GSK3B: variants seen among roughly 807,000 people sequenced by gnomAD.
GSK3B encodes the protein glycogen synthase kinase 3 beta.
A neutral mutation model predicts 56.4 loss-of-function variants in GSK3B; 15 were observed. That is an observed-to-expected ratio of 0.27 (90% CI 0.18 to 0.41). The LOEUF is 0.41. Ranked by LOEUF, GSK3B falls within the 10% of genes least tolerant of loss-of-function variation. The pLI is 1.00. For synonymous variants in GSK3B, 181 were observed against 188.9 expected, an observed-to-expected ratio of 0.96 and a Z score of 0.34; for missense variants, 300 against 513.4, an observed-to-expected ratio of 0.58 and a Z score of 4.02.
chr3:119,968,716 T>C (rs559336185), intron 2 of GSK3B, among the ~76,000 whole-genome samples: 2 of 151,764 alleles, frequency 1.3e-5, no homozygotes, highest in African/African-American at 4.8e-5. Flanking sequence ...CAAAAAAAAA[T>C]AAGGGATGTG....
intron 8 of GSK3B, among the ~76,000 whole-genome samples, chr3:119,869,606 G>A (rs1396908395): frequency 6.6e-6 from 1 of 152,152 alleles, no homozygotes; most frequent in Non-Finnish European, 1.5e-5. Context: ...GCCTTATCGA[G>A]TTTTCCCAAG....
chr3:119,879,753 G>A (rs896622890), intron 7 of GSK3B, among the ~76,000 whole-genome samples: 2 of 152,078 alleles, frequency 1.3e-5, no homozygotes, highest in African/African-American at 4.8e-5. Context: ...AAGTTTGTCT[G>A]TGTCTGGCTT....
chr3:119,834,475 G>C (rs1434286642), intron 10 of GSK3B, among the ~76,000 whole-genome samples: 1 of 152,110 alleles, frequency 6.6e-6, no homozygotes, highest in Non-Finnish European at 1.5e-5. Context: ...CATCCACCAG[G>C]ATACCTGGAA....
intron 6 of GSK3B, among the ~76,000 whole-genome samples, chr3:119,910,028 A>G (rs2056720149): frequency 6.6e-6 from 1 of 152,234 alleles, no homozygotes; most frequent in African/African-American, 2.4e-5. Flanking sequence ...AAATGTTAGC[A>G]ATATGGCCAT....
At chr3:119,965,014 T>A (rs548055778) in intron 2 of GSK3B, among the ~76,000 whole-genome samples, 1 of 150,840 alleles carries the variant, frequency 6.6e-6, no homozygotes, top group Admixed American at 6.6e-5. Flanking sequence ...AATTGAATTA[T>A]AGGTTTTTGT....
chr3:119,950,332 G>T (rs1296707888), intron 2 of GSK3B, among the ~76,000 whole-genome samples: 1 of 152,110 alleles, frequency 6.6e-6, no homozygotes, highest in Non-Finnish European at 1.5e-5. Context: ...TTATGAAGGA[G>T]GTTAAGATAT....
intron 7 of GSK3B, among the ~76,000 whole-genome samples, chr3:119,878,312 T>A (rs563061160): frequency 6.6e-6 from 1 of 152,138 alleles, no homozygotes; most frequent in Non-Finnish European, 1.5e-5. Context: ...AAAAGATATG[T>A]ACAGACACTT....
chr3:119,847,403 C>T (rs1015158761), intron 9 of GSK3B, among the ~76,000 whole-genome samples: 5 of 152,148 alleles, frequency 3.3e-5, no homozygotes, highest in African/African-American at 1.2e-4. Flanking sequence ...TTGCTTGAAC[C>T]CGCAAGGCAG....
intron 1 of GSK3B, among the ~76,000 whole-genome samples, chr3:120,006,626 A>C (rs191929852): frequency 2.0e-5 from 3 of 152,230 alleles, no homozygotes; most frequent in African/African-American, 7.2e-5. Context: ...AAAACCACAC[A>C]ACTGCATGGA....
chr3:120,065,505 A>G (rs992057292), intron 1 of GSK3B, among the ~76,000 whole-genome samples: 3 of 152,150 alleles, frequency 2.0e-5, no homozygotes, highest in Non-Finnish European at 4.4e-5. Context: ...ACCCTACTAC[A>G]CTGCTGGAGG....
At chr3:119,878,169 CTT>C (rs1250179398) in intron 7 of GSK3B, among the ~76,000 whole-genome samples, 1 of 152,000 alleles carries the variant, frequency 6.6e-6, no homozygotes, top group Non-Finnish European at 1.5e-5. Flanking sequence ...AAAAGACACT[CTT>C]AAGAAAATGA....
intron 2 of GSK3B, among the ~76,000 whole-genome samples, chr3:119,967,501 CT>C (rs1276304981): frequency 6.6e-6 from 1 of 152,080 alleles, no homozygotes; most frequent in Admixed American, 6.6e-5. Context: ...TATTTCATAT[CT>C]TTTTACAAAG....
At chr3:119,847,143 A>C (rs2055866381) in intron 9 of GSK3B, among the ~76,000 whole-genome samples, 1 of 151,348 alleles carries the variant, frequency 6.6e-6, no homozygotes, top group East Asian at 2.0e-4. Context: ...GTTGCGGGGT[A>C]GGGGGGAAGG....
At chr3:120,046,736 G>A (rs565947932) in intron 1 of GSK3B, among the ~76,000 whole-genome samples, 39 of 152,242 alleles carry the variant, frequency 2.6e-4, no homozygotes, top group Non-Finnish European at 5.0e-4. Flanking sequence ...AGCCACCCAT[G>A]TAGCTAGGAC....
chr3:119,931,612 C>CA (rs147112961), intron 3 of GSK3B, among the ~76,000 whole-genome samples: 2,303 of 150,516 alleles, frequency 0.015, 57 homozygotes, highest in African/African-American at 0.051. Flanking sequence ...AAGACTGTCT[C>CA]AAAAAAACAA....
chr3:119,958,087 C>T (rs547607859), intron 2 of GSK3B, among the ~76,000 whole-genome samples: 16 of 152,202 alleles, frequency 1.1e-4, no homozygotes, highest in African/African-American at 3.9e-4. Context: ...CCATGCTGCT[C>T]TCCTAATAGT....
chr3:119,856,322 T>C (rs1316188751), intron 9 of GSK3B, among the ~76,000 whole-genome samples: 1 of 152,200 alleles, frequency 6.6e-6, no homozygotes, highest in Non-Finnish European at 1.5e-5. Context: ...TGGTTATATA[T>C]CATATACCAC....
At chr3:120,071,586 T>C (rs940571385) in intron 1 of GSK3B, among the ~76,000 whole-genome samples, 1 of 152,188 alleles carries the variant, frequency 6.6e-6, no homozygotes, top group East Asian at 1.9e-4. Context: ...ACATTCCTTA[T>C]GAGAATCTAC....
intron 2 of GSK3B, among the ~76,000 whole-genome samples, chr3:119,987,485 G>A (rs993918778): frequency 6.6e-6 from 1 of 152,120 alleles, no homozygotes; most frequent in Admixed American, 6.5e-5. Context: ...AAATTGTTTT[G>A]AAGGTTTAAG....
Sources: allele counts gnomAD v4.1 joint callset (sites outside exome capture counted in the v4.1 genomes callset), GRCh38; gene constraint gnomAD v4.1.1; transcripts MANE v1.5; gene names NCBI Gene and HGNC (gene_info 2026-07-23, HGNC 2026-07-21).